Variants in NAALADL2 observed in about 807,000 individuals in gnomAD.
The protein encoded by NAALADL2 is inactive N-acetylated-alpha-linked acidic dipeptidase-like protein 2.
A neutral mutation model predicts 87.2 loss-of-function variants in NAALADL2; 76 were observed. The observed-to-expected ratio is 0.87, with a 90% CI of 0.72 to 1.05. The LOEUF is 1.05. NAALADL2 is among the 50% of genes least tolerant of loss of function. The pLI, the probability that NAALADL2 is intolerant of heterozygous loss-of-function variation, is 0.00. For synonymous variants in NAALADL2, 354 were observed against 331.0 expected (o/e 1.07, Z -0.75); for missense variants, 1,089 against 945.8 (o/e 1.15, Z -1.99).
At chr3:175,012,520 A>G (rs1749975599) in intron 1 of NAALADL2, among the ~76,000 whole-genome samples, 1 of 152,140 alleles carries the variant, frequency 6.6e-6, no homozygotes, top group African/African-American at 2.4e-5. Context: ...CATTGCATGT[A>G]GTTACTATCT....
intron 2 of NAALADL2, among the ~76,000 whole-genome samples, chr3:174,580,400 C>T (rs1045969162): frequency 6.6e-6 from 1 of 152,000 alleles, no homozygotes; most frequent in African/African-American, 2.4e-5. Flanking sequence ...TTTTTATAAA[C>T]AAATTTATTG....
At chr3:175,318,171 TTTAAA>T (rs1759389961) in intron 4 of NAALADL2, among the ~76,000 whole-genome samples, 1 of 152,100 alleles carries the variant, frequency 6.6e-6, no homozygotes, top group Non-Finnish European at 1.5e-5. Flanking sequence ...TTTATGGCAA[TTTAAA>T]TTATATAAAA....
At chr3:174,542,963 A>G (rs962487645) in intron 1 of NAALADL2, among the ~76,000 whole-genome samples, 7 of 152,204 alleles carry the variant, frequency 4.6e-5, no homozygotes, top group Non-Finnish European at 7.3e-5. Flanking sequence ...GAGCTGGACT[A>G]TGACAGATGG....
At chr3:175,639,092 C>T (rs183167823) in intron 11 of NAALADL2, among the ~76,000 whole-genome samples, 22 of 152,214 alleles carry the variant, frequency 1.4e-4, no homozygotes, top group Admixed American at 5.9e-4. Flanking sequence ...TTGAAGGTCT[C>T]CTGATTGGCA....
intron 5 of NAALADL2, among the ~76,000 whole-genome samples, chr3:175,332,448 G>A (rs1025266792): frequency 1.3e-5 from 2 of 152,132 alleles, no homozygotes; most frequent in African/African-American, 4.8e-5. Flanking sequence ...CCAAAGGGAT[G>A]TGCCACCATG....
intron 5 of NAALADL2, among the ~76,000 whole-genome samples, chr3:175,355,751 T>C (rs1764292227): frequency 6.6e-6 from 1 of 152,182 alleles, no homozygotes; most frequent in Non-Finnish European, 1.5e-5. Context: ...CATACTGCCT[T>C]GCTTCCAATG....
intron 5 of NAALADL2, among the ~76,000 whole-genome samples, chr3:175,398,047 A>T (rs1043700751): frequency 6.6e-6 from 1 of 152,160 alleles, no homozygotes; most frequent in African/African-American, 2.4e-5. Context: ...AAAAAAAACT[A>T]ATGAACAAAC....
intron 1 of NAALADL2, among the ~76,000 whole-genome samples, chr3:174,867,720 CAAAAT>C (rs1375382685): frequency 6.6e-6 from 1 of 151,816 alleles, no homozygotes; most frequent in African/African-American, 2.4e-5. Context: ...CAGTACAAAA[CAAAAT>C]AAAACAAGAA....
chr3:175,509,265 G>A (rs1362994034), intron 9 of NAALADL2, among the ~76,000 whole-genome samples: 1 of 152,098 alleles, frequency 6.6e-6, no homozygotes, highest in Non-Finnish European at 1.5e-5. Context: ...TTCAATAGTA[G>A]CCATCCTCAG....
At chr3:175,505,893 A>C (rs1028227037) in intron 9 of NAALADL2, among the ~76,000 whole-genome samples, 10 of 152,152 alleles carry the variant, frequency 6.6e-5, no homozygotes, top group African/African-American at 2.4e-4. Flanking sequence ...ATTTTTTAAA[A>C]AGCCTCTTGG....
intron 3 of NAALADL2, among the ~76,000 whole-genome samples, chr3:174,762,188 C>T (rs1453513222): frequency 6.7e-6 from 1 of 149,610 alleles, no homozygotes; most frequent in Non-Finnish European, 1.5e-5. Context: ...GAGACGGAGT[C>T]TCGCTCTGTC....
intron 2 of NAALADL2, among the ~76,000 whole-genome samples, chr3:174,662,273 T>C (rs1725574866): frequency 6.6e-6 from 1 of 152,178 alleles, no homozygotes; most frequent in African/African-American, 2.4e-5. Flanking sequence ...TTTGATCTTA[T>C]TACAACTTGA....
intron 11 of NAALADL2, among the ~76,000 whole-genome samples, chr3:175,629,854 A>G (rs142043557): frequency 5.3e-5 from 8 of 151,890 alleles, no homozygotes; most frequent in African/African-American, 1.9e-4. Flanking sequence ...ATTAGAGGCC[A>G]TTAGAGAGAA....
chr3:174,971,105 C>T (rs891940547), intron 1 of NAALADL2, among the ~76,000 whole-genome samples: 4 of 152,202 alleles, frequency 2.6e-5, no homozygotes, highest in African/African-American at 7.2e-5. Flanking sequence ...CATCAGATCT[C>T]GTGAGACTTA....
intron 1 of NAALADL2, among the ~76,000 whole-genome samples, chr3:174,515,193 T>C (rs1282068885): frequency 6.6e-6 from 1 of 152,120 alleles, no homozygotes; most frequent in Admixed American, 6.5e-5. Context: ...TAGGAGGATA[T>C]GAATATAGTA....
intron 2 of NAALADL2, among the ~76,000 whole-genome samples, chr3:174,592,605 A>G: frequency 6.6e-6 from 1 of 152,160 alleles, no homozygotes; most frequent in East Asian, 1.9e-4. Flanking sequence ...ACTTGATCCC[A>G]TCTAGAGACA....
chr3:174,695,302 G>T (rs1345237319), intron 2 of NAALADL2, among the ~76,000 whole-genome samples: 1 of 152,080 alleles, frequency 6.6e-6, no homozygotes, highest in Non-Finnish European at 1.5e-5. Context: ...AAAATAGGCA[G>T]CATACTTAGA....
chr3:174,496,230 G>A (rs1042304050), intron 1 of NAALADL2, among the ~76,000 whole-genome samples: 3 of 152,178 alleles, frequency 2.0e-5, no homozygotes, highest in Admixed American at 6.6e-5. Context: ...GTTTTTGTTT[G>A]ATTTACTATG....
At chr3:175,115,987 CAT>C (rs1725073295) in intron 2 of NAALADL2, among the ~76,000 whole-genome samples, 3 of 151,910 alleles carry the variant, frequency 2.0e-5, no homozygotes, top group Admixed American at 6.6e-5. Flanking sequence ...ACAAAAACCA[CAT>C]GTTTATCTCA....
Sources: gnomAD v4.1 joint callset for allele counts (sites outside exome capture counted in the v4.1 genomes callset) on GRCh38, gnomAD v4.1.1 for gene constraint, MANE v1.5 for transcripts, NCBI Gene and HGNC (gene_info 2026-07-23, HGNC 2026-07-21) for gene names.